Variants in CHCHD3 observed in about 807,000 individuals in gnomAD.
The protein encoded by CHCHD3 is MICOS complex subunit MIC19.
CHCHD3 carries 20 observed loss-of-function variants against 38.2 expected under a neutral mutation model. The ratio of observed to expected loss-of-function variants is 0.52; its 90% CI spans 0.37 to 0.76. The LOEUF is 0.76. Ranked by LOEUF, CHCHD3 falls within the 30% of genes least tolerant of loss-of-function variation. The probability of loss-of-function intolerance (pLI) is 0.00; values close to 1 mark genes in which losing one functional copy is unlikely to be tolerated. For missense variants in CHCHD3, 245 were observed against 279.2 expected (o/e 0.88, Z 0.87); for synonymous variants, 82 against 100.0 (o/e 0.82, Z 1.07).
chr7:132,799,337 A>C (rs1378605724), intron 6 of CHCHD3, among the ~76,000 whole-genome samples: 1 of 152,218 alleles, frequency 6.6e-6, no homozygotes, highest in Non-Finnish European at 1.5e-5. Context: ...GGCACCTTCC[A>C]TTCAGGATAA....
intron 3 of CHCHD3, among the ~76,000 whole-genome samples, chr7:132,978,762 A>G (rs1562927748): frequency 6.6e-6 from 1 of 152,106 alleles, no homozygotes; most frequent in Non-Finnish European, 1.5e-5. Context: ...GAGCCCCTCC[A>G]ACATCAACAC....
chr7:132,827,349 A>G (rs1479309177), intron 6 of CHCHD3, among the ~76,000 whole-genome samples: 1 of 152,232 alleles, frequency 6.6e-6, no homozygotes, highest in Non-Finnish European at 1.5e-5. Context: ...CAACCAAAAT[A>G]TGGAATCCAT....
intron 4 of CHCHD3, among the ~76,000 whole-genome samples, chr7:132,909,709 A>G (rs1474744707): frequency 6.6e-6 from 1 of 152,356 alleles, no homozygotes; most frequent in East Asian, 1.9e-4. Context: ...ATAAGTGGTC[A>G]AGATGATGTT....
intron 6 of CHCHD3, among the ~76,000 whole-genome samples, chr7:132,805,451 C>T (rs1215420330): frequency 6.6e-6 from 1 of 151,934 alleles, no homozygotes; most frequent in Non-Finnish European, 1.5e-5. Flanking sequence ...GAGGTCCAGG[C>T]TCAATCGAGT....
At chr7:132,787,089 C>T (rs924449368) in intron 7 of CHCHD3, among the ~76,000 whole-genome samples, 1 of 151,934 alleles carries the variant, frequency 6.6e-6, no homozygotes, top group African/African-American at 2.4e-5. Context: ...AAGCGGTGGC[C>T]AGGATTCAGC....
intron 6 of CHCHD3, among the ~76,000 whole-genome samples, chr7:132,806,202 GAAGGAAGACTGATAAATGGCC>G (rs1806916011): frequency 6.6e-6 from 1 of 152,202 alleles, no homozygotes; most frequent in Non-Finnish European, 1.5e-5. Flanking sequence ...CAGTCAAAAA[GAAGGAAGACTGATAAATGGCC>G]AAGGAATGTG....
At chr7:133,081,157 AT>A (rs1815160135) in intron 1 of CHCHD3, among the ~76,000 whole-genome samples, 1 of 152,234 alleles carries the variant, frequency 6.6e-6, no homozygotes, top group South Asian at 2.1e-4. Flanking sequence ...TTCTACTGGT[AT>A]GAAAAACTGC....
chr7:132,894,987 T>C (rs1365974439), intron 4 of CHCHD3, among the ~76,000 whole-genome samples: 1 of 152,138 alleles, frequency 6.6e-6, no homozygotes. Context: ...TAATCAACAG[T>C]GATGTTTTGC....
intron 3 of CHCHD3, among the ~76,000 whole-genome samples, chr7:132,984,707 C>G (rs1410227238): frequency 6.6e-6 from 1 of 150,376 alleles, no homozygotes; most frequent in African/African-American, 2.5e-5. Context: ...CGTCTCTGCC[C>G]GGCCGCTCCG....
At position 133,035,691 on chromosome 7, in the gene CHCHD3, T is replaced by C. The variant is rs1813653970; in HGVS notation, c.170-11064A>G. On this transcript the variant is annotated intron_variant, in intron 2 of 7. Coordinates refer to ENST00000262570, the MANE Select transcript of CHCHD3 (RefSeq NM_017812.4). This position sits in a 1 kb window ranked among gnomAD's most constrained non-coding sequence, Gnocchi z 4.7. ...CCGCAGCTCCTCATTGCTCACATAG[T>C]AGGCAATGGCGTTGCTCTCAAACAC... 1 of 1,613,340 alleles carries C rather than the reference T, an allele frequency of 6.2e-7. No individual in the cohort carries two copies. The highest frequency in any genetic ancestry group is 8.5e-7 in the Non-Finnish European group (1 of 1,179,414).
intron 3 of CHCHD3, among the ~76,000 whole-genome samples, chr7:132,992,740 T>C (rs1584628174): frequency 1.3e-5 from 2 of 152,346 alleles, no homozygotes; most frequent in African/African-American, 4.8e-5. Context: ...CAATGATTGC[T>C]CACATAATAT....
At chr7:133,023,400 G>A (rs1450272717) in intron 3 of CHCHD3, among the ~76,000 whole-genome samples, 1 of 152,034 alleles carries the variant, frequency 6.6e-6, no homozygotes, top group African/African-American at 2.4e-5. Context: ...AATACTTAAG[G>A]CTCAAAGAGG....
chr7:132,841,230 A>T (rs573523054), intron 5 of CHCHD3, among the ~76,000 whole-genome samples: 10 of 152,216 alleles, frequency 6.6e-5, no homozygotes, highest in Non-Finnish European at 1.5e-4. Context: ...CATCTTTGGG[A>T]ATCAGATGCT....
At chr7:133,052,768 C>T (rs1356131671) in intron 2 of CHCHD3, among the ~76,000 whole-genome samples, 1 of 152,174 alleles carries the variant, frequency 6.6e-6, no homozygotes, top group Non-Finnish European at 1.5e-5. Context: ...TCTCACAAGA[C>T]ATATGGAAAA....
At chr7:133,000,828 C>T (rs1370682793) in intron 3 of CHCHD3, among the ~76,000 whole-genome samples, 3 of 152,138 alleles carry the variant, frequency 2.0e-5, no homozygotes, top group Non-Finnish European at 4.4e-5. Flanking sequence ...TTGGTATACA[C>T]TTTAGAGCAT....
At chr7:132,875,040 G>C (rs888747260) in intron 5 of CHCHD3, among the ~76,000 whole-genome samples, 2 of 151,852 alleles carry the variant, frequency 1.3e-5, no homozygotes, top group Non-Finnish European at 2.9e-5. Context: ...TTACATCCTA[G>C]GATGCAAGCT....
chr7:132,901,665 TG>T (rs1809672258), intron 4 of CHCHD3, among the ~76,000 whole-genome samples: 1 of 152,326 alleles, frequency 6.6e-6, no homozygotes, highest in South Asian at 2.1e-4. Context: ...TGGGGTTGAT[TG>T]TTTTTTTCTT....
intron 4 of CHCHD3, among the ~76,000 whole-genome samples, chr7:132,939,600 A>G (rs1395992754): frequency 6.6e-6 from 1 of 152,102 alleles, no homozygotes; most frequent in Admixed American, 6.6e-5. Flanking sequence ...CATTTTTCAG[A>G]ATGTATCTTC....
intron 2 of CHCHD3, chr7:133,034,917 G>A: frequency 1.2e-6 from 2 of 1,607,054 alleles, no homozygotes; most frequent in East Asian, 2.2e-5. Flanking sequence ...GCTCATGAAG[G>A]TCTGAGTGAG....
Sources: allele counts gnomAD v4.1 joint callset (sites outside exome capture counted in the v4.1 genomes callset), GRCh38; gene constraint gnomAD v4.1.1; non-coding constraint Gnocchi (gnomAD v3.1); transcripts MANE v1.5; gene names NCBI Gene and HGNC (gene_info 2026-07-23, HGNC 2026-07-21).